CARNS1: variants seen among roughly 807,000 people sequenced by gnomAD.
The protein encoded by CARNS1 is ATP-grasp domain containing 1.
In CARNS1, 61 loss-of-function variants were observed where a neutral mutation model predicts 74.0. The observed-to-expected ratio is 0.82, with a 90% CI of 0.67 to 1.02. The LOEUF (loss-of-function observed/expected upper bound fraction) is 1.02. CARNS1 is among the 50% of genes least tolerant of loss of function. The pLI, the probability that CARNS1 is intolerant of heterozygous loss-of-function variation, is 0.00. For missense variants in CARNS1, 1,278 were observed against 1,308.4 expected, an observed-to-expected ratio of 0.98 and a Z score of 0.36; for synonymous variants, 568 against 605.5, an observed-to-expected ratio of 0.94 and a Z score of 0.91.
In CARNS1 at chr11:67,420,928, G is replaced by T. The variant is rs942607497; in HGVS notation, c.1346-11G>T. 42 of 1,377,380 alleles carry T rather than the reference G, an allele frequency of 3.0e-5. No homozygotes were observed. The African/African-American group carries it at 6.1e-4, about 20-fold the overall frequency. The allele number at this position is 1,377,380 out of a possible 1,614,324, so 85.3% of individuals were successfully genotyped here. On this transcript the variant is annotated splice_polypyrimidine_tract_variant and intron_variant, in intron 8 of 9. Coordinates refer to ENST00000687366, the MANE Select transcript of CARNS1 (RefSeq NM_001166222.2). ...TGCCGTAGCTGAGCTCGCGCCTCCC[G>T]CCCGGCGCAGGCGTGGATTTCGCGC...
chr11:67,417,111 G>A (rs1381925821), intron 2 of CARNS1: 4 of 1,161,534 alleles, frequency 3.4e-6, no homozygotes, highest in East Asian at 3.9e-5. Flanking sequence ...CTGCTGCTGT[G>A]AAGCAAGCTA....
At position 67,418,958 on chromosome 11, in the gene CARNS1, A is replaced by G. The variant is rs1863617645; in HGVS notation, c.567A>G (p.Ala189=). The G allele has an allele frequency of 6.4e-7, 1 of 1,572,098 alleles. No individual in the cohort carries two copies. Among genetic ancestry groups the G allele is most frequent in the African/African-American group, 1.4e-5 (1 of 73,906 alleles). ...LGLGPGRGRE[A]AELARDLTCP... is the part of the protein sequence containing the mutation. ...TGGGGCCTGGCCGGGGCCGAGAGGC[A>G]GCAGAACTCGCCCGTGACCTGACCT... The change falls in exon 5 of 10, where the codon GCA becomes GCG. Residue 189 remains alanine, a synonymous_variant. Transcript: ENST00000687366.
rs764763842 is a variant in CARNS1, at chr11:67,424,508, C to T, written c.2760C>T (p.Thr920=). ...CSVACAGPSP[T]EARLRLLGLC... The stretch of plus-strand genomic sequence containing the variant: ...TGGCCTGTGCCGGACCCAGCCCCAC[C>T]GAGGCCCGTCTCCGCCTGCTGGGCC... Residue 920 remains threonine (T), a synonymous_variant, in exon 10 of 10, where the codon ACC becomes ACT. Coordinates refer to ENST00000687366, the MANE Select transcript of CARNS1 (RefSeq NM_001166222.2). The T allele has an allele frequency of 3.8e-5, 61 of 1,590,360 alleles. No individual in the cohort carries two copies. In the East Asian group the frequency reaches 4.8e-4, roughly 13 times the overall value.
chr11:67,421,123 G>C lies in CARNS1; in HGVS notation c.1530G>C (p.Ala510=), dbSNP rs12277001. 4 of 1,468,488 alleles carry C rather than the reference G, an allele frequency of 2.7e-6. No homozygotes were observed. In the African/African-American group the frequency reaches 5.9e-5, roughly 22 times the overall value. The allele number at this position is 1,468,488 out of a possible 1,614,324, so 91.0% of individuals were successfully genotyped here. Residue 510 remains alanine (A), a synonymous_variant, in exon 9 of 10, where the codon GCG becomes GCC. Transcript: ENST00000687366. The part of the protein sequence containing the change: ...PLVETMLRRS[A]RCLMEGKQLL... Reference sequence around the variant, plus strand: ...TGGAGACCATGCTTCGGCGGTCGGCGCGCTGCCTCATGGAGGGAAAACAGC... The same window carrying C: ...TGGAGACCATGCTTCGGCGGTCGGCCCGCTGCCTCATGGAGGGAAAACAGC...
Position 67,424,334 on chromosome 11 carries a change from C to T in CARNS1, c.2586C>T (p.Val862=), listed in dbSNP as rs1863780854. Residue 862 remains valine (V), a synonymous_variant, in exon 10 of 10, where the codon GTC becomes GTT. Coordinates refer to ENST00000687366, the MANE Select transcript of CARNS1 (RefSeq NM_001166222.2). ...GTGCTCGTGGCCATCTGGTGGGCGT[C>T]ATGTGCCTTGTGTCCCAGCACCTGC... ...RPRARGHLVG[V]MCLVSQHLQA... is the part of the protein sequence containing the mutation. 1.2e-6 allele frequency: 2 copies of T among 1,609,478 alleles called. No homozygotes were observed. The highest frequency in any genetic ancestry group is 1.7e-6 in the Non-Finnish European group (2 of 1,178,184).
rs1463359842 is a variant in CARNS1, at chr11:67,420,694, G to A, written c.1199G>A (p.Cys400Tyr). The change falls in exon 8 of 10, where the codon TGC becomes TAC. Residue 400 changes from cysteine to tyrosine, a missense_variant. Physicochemically the swap from Cys to Tyr is radical, Grantham distance 194. Around this residue, in one of 3 missense-constraint regions of CARNS1, gnomAD observed 1,164 missense variants for 1,156.5 expected, o/e 1.01. Coordinates refer to ENST00000687366, the MANE Select transcript of CARNS1 (RefSeq NM_001166222.2). ...ACGCTGGAGGTGGCGCTGGCCCAGT[G>A]CGGCCTGGGCGAGGAGGCGCAGGTG... Reference protein sequence around the residue: ...PRTLEVALAQCGLGEEAQVAA... With the variant: ...PRTLEVALAQYGLGEEAQVAA... 7.9e-6 allele frequency: 10 copies of A among 1,266,076 alleles called. No homozygotes were observed. In the South Asian group the frequency reaches 2.2e-4, roughly 28 times the overall value. The allele number at this position is 1,266,076 out of a possible 1,614,324, so 78.4% of individuals were successfully genotyped here.
intron 2 of CARNS1, 192 bp downstream of exon 2, chr11:67,416,394 ACATT>A: frequency 1.4e-6 from 2 of 1,420,348 alleles, no homozygotes; most frequent in Non-Finnish European, 1.8e-6. Context: ...GTGCCCTGTG[ACATT>A]CATTCATTCC....
rs773031067 is a variant in CARNS1 at position 67,424,252 on chromosome 11, T to C, written c.2504T>C (p.Leu835Pro). 6.2e-7 allele frequency: 1 copy of C among 1,613,590 alleles called. No homozygotes were observed. Among genetic ancestry groups the C allele is most frequent in the South Asian group, 1.1e-5 (1 of 91,084 alleles). ...CTGGAGCTCTATGGTGTTGACCTGC[T>C]GCTGGCTGCTGTTATGGTGGCCTGT... ...WILELYGVDL[L>P]LAAVMVACGL... is the part of the protein sequence containing the mutation. Residue 835 changes from leucine to proline, a missense_variant, in exon 10 of 10, where the codon CTG becomes CCG. Coordinates refer to ENST00000687366, the MANE Select transcript of CARNS1 (RefSeq NM_001166222.2).
chr11:67,416,552 T>A (rs1371221342), intron 2 of CARNS1: 2 of 1,126,336 alleles, frequency 1.8e-6, no homozygotes, highest in Admixed American at 4.5e-5. Flanking sequence ...GAGATTCTCT[T>A]CGTCCCAGCC....
At chr11:67,416,740 G>A in intron 2 of CARNS1, 1 of 986,354 alleles carries the variant, frequency 1.0e-6, no homozygotes, top group Non-Finnish European at 1.2e-6. Flanking sequence ...CCTCCCAGCA[G>A]CCCCATATTG....
chr11:67,421,463 G>A (rs2135093953), intron 9 of CARNS1, among the ~76,000 whole-genome samples: 1 of 152,328 alleles, frequency 6.6e-6, no homozygotes, highest in Admixed American at 6.5e-5. Context: ...GGGAGGGCAG[G>A]GAGTCCTCCA....
At position 67,424,013 on chromosome 11, in the gene CARNS1, G is replaced by A. The variant is rs753889377; in HGVS notation, c.2265G>A (p.Thr755=). ...LAAFVSDNGP[T]RLPGFTETAA... is the part of the protein sequence containing the mutation. ...CCTTTGTCTCCGACAATGGCCCTACGAGGCTGCCTGGCTTCACTGAGACGG... is the reference window on the plus strand; with the variant it reads ...CCTTTGTCTCCGACAATGGCCCTACAAGGCTGCCTGGCTTCACTGAGACGG... Residue 755 remains threonine (T), a synonymous_variant, in exon 10 of 10, where the codon ACG becomes ACA. Coordinates refer to ENST00000687366, the MANE Select transcript of CARNS1 (RefSeq NM_001166222.2). 2.2e-5 allele frequency: 36 copies of A among 1,612,822 alleles called. No individual in the cohort carries two copies. The Middle Eastern group carries it at 1.2e-3, about 52-fold the overall frequency.
chr11:67,419,063 T>TA lies in CARNS1; in HGVS notation c.672_673insA (p.Gly225ArgfsTer57), dbSNP rs1288887053. Reference sequence around the variant, plus strand: ...CAAGGCAGTTGCTGGCCCAGCAGGGTGGTGTGGCTGTGCCAGCAACCCTGG... The same window carrying TA: ...CAAGGCAGTTGCTGGCCCAGCAGGGTAGGTGTGGCTGTGCCAGCAACCCTGG... On this transcript the variant is annotated frameshift_variant, in exon 5 of 10. Transcript: ENST00000687366. LOFTEE classifies it high-confidence loss of function. The TA allele has an allele frequency of 6.4e-7, 1 of 1,558,706 alleles. No homozygotes were observed. The highest frequency in any genetic ancestry group is 8.7e-7 in the Non-Finnish European group (1 of 1,153,098).
Position 67,419,609 on chromosome 11 carries a change from G to T in CARNS1, c.975G>T (p.Glu325Asp). The change falls in exon 6 of 10, where the codon GAG becomes GAT. Residue 325 changes from glutamate to aspartate, a missense_variant. By Grantham distance (45) the Glu-to-Asp change is conservative (BLOSUM62 2). Transcript: ENST00000687366. Reference protein sequence around the residue: ...VLALLEKLEEEESVLVEAVYP... With the variant: ...VLALLEKLEEDESVLVEAVYP... ...CGCTGCTGGAGAAGCTGGAGGAGGA[G>T]GAGAGTGTCCTGGTGGAGGCTGTGT... 6.2e-7 allele frequency: 1 copy of T among 1,604,024 alleles called. No homozygotes were observed.
At position 67,424,344 on chromosome 11, in the gene CARNS1, G is replaced by GTGTC. The variant is rs1863781159; in HGVS notation, c.2597_2600dup (p.Gln868ValfsTer14). On this transcript the variant is annotated frameshift_variant, in exon 10 of 10. Coordinates refer to ENST00000687366, the MANE Select transcript of CARNS1 (RefSeq NM_001166222.2). LOFTEE classifies it high-confidence loss of function. ...CCATCTGGTGGGCGTCATGTGCCTTGTGTCCCAGCACCTGCAGGCCCTGAG... is the reference window on the plus strand; with the variant it reads ...CCATCTGGTGGGCGTCATGTGCCTTGTGTCTGTCCCAGCACCTGCAGGCCCTGAG... 2 of 1,607,800 alleles carry GTGTC rather than the reference G, an allele frequency of 1.2e-6. No homozygotes were observed.
In CARNS1 at chr11:67,423,427, C is replaced by T. The variant is rs1275266339; in HGVS notation, c.1679C>T (p.Thr560Ile). The T allele has an allele frequency of 8.7e-6, 14 of 1,613,696 alleles. No individual in the cohort carries two copies. The highest frequency in any genetic ancestry group is 1.2e-5 in the Non-Finnish European group (14 of 1,179,750). ...CACTTTGCATCCCAGTTGGTACAGA[C>T]CTTCATCCACTTTGACATGACAGAG... Reference protein sequence around the residue: ...PNHFASQLVQTFIHFDMTEHR... With the variant: ...PNHFASQLVQIFIHFDMTEHR... The change falls in exon 10 of 10, where the codon ACC becomes ATC. Residue 560 changes from threonine (T) to isoleucine (I), a missense_variant. Around this residue, in one of 3 missense-constraint regions of CARNS1, gnomAD observed 1,164 missense variants for 1,156.5 expected, o/e 1.01. Transcript: ENST00000687366. This position sits in a 1 kb window ranked among gnomAD's most constrained non-coding sequence, Gnocchi z 5.1.
intron 2 of CARNS1, chr11:67,416,853 A>C (rs1037470054): frequency 1.0e-6 from 1 of 986,310 alleles, no homozygotes; most frequent in South Asian, 4.7e-5. Flanking sequence ...CTAGCCTCCT[A>C]ATGTTTAGCC....
intron 9 of CARNS1, among the ~76,000 whole-genome samples, chr11:67,422,617 G>GCGCA (rs1194627923): frequency 6.6e-6 from 1 of 152,174 alleles, no homozygotes; most frequent in African/African-American, 2.4e-5. Flanking sequence ...GTGAGCCACT[G>GCGCA]CGCACAGCCA....
intron 2 of CARNS1, 94 bp from the exon 3 acceptor site, chr11:67,417,313 C>G: frequency 7.9e-7 from 1 of 1,266,484 alleles, no homozygotes; most frequent in Non-Finnish European, 1.0e-6. Context: ...CTGAACATAG[C>G]CCAGGCTGGG....
Sources: gnomAD v4.1 joint callset for allele counts (sites outside exome capture counted in the v4.1 genomes callset) on GRCh38, gnomAD v4.1.1 for gene constraint, gnomAD v4.1.1 regional missense constraint, Gnocchi (gnomAD v3.1) non-coding constraint, MANE v1.5 for transcripts, NCBI Gene and HGNC (gene_info 2026-07-23, HGNC 2026-07-21) for gene names.